RBM44: variants seen among roughly 807,000 people sequenced by gnomAD.
RBM44 encodes the protein RNA binding motif protein 44, also known as RNA-binding protein 44.
RBM44 carries 66 observed loss-of-function variants against 105.1 expected under a neutral mutation model. The ratio of observed to expected loss-of-function variants is 0.63; its 90% confidence interval spans 0.52 to 0.77. RBM44 has a LOEUF of 0.77. RBM44 is among the 30% of genes least tolerant of loss of function. The pLI is 0.00. For synonymous variants in RBM44, 365 were observed against 417.6 expected (o/e 0.87, Z 1.54); for missense variants, 1,122 against 1,207.8 (o/e 0.93, Z 1.05).
rs2061769852 is a variant in RBM44 at position 237,820,222 on chromosome 2, G to A, written c.1784G>A (p.Cys595Tyr). The A allele has an allele frequency of 6.3e-7, 1 of 1,578,822 alleles. No individual in the cohort carries two copies. Among genetic ancestry groups the A allele is most frequent in the Non-Finnish European group, 8.6e-7 (1 of 1,161,656 alleles). Residue 595 changes from cysteine to tyrosine, a missense_variant, in exon 5 of 16, where the codon TGC (cysteine) becomes TAC (tyrosine). This residue lies in a region of RBM44 where 918 missense variants were observed against 955.3 expected (regional missense o/e 0.96). Coordinates refer to ENST00000316997, the MANE Select transcript of RBM44 (RefSeq NM_001080504.3). ...KDTEKDLPSM[C>Y]CQKIMQRAIK... is the part of the protein sequence containing the mutation. ...ACAGAGAAGGATTTGCCATCAATGT[G>A]CTGTCAGAAGATAATGCAGAGAGCC...
intron 2 of RBM44, among the ~76,000 whole-genome samples, chr2:237,814,180 C>G (rs1471278995): frequency 6.6e-6 from 1 of 152,046 alleles, no homozygotes; most frequent in Non-Finnish European, 1.5e-5. Context: ...AACAAAAACT[C>G]TACATTGTTC....
At position 237,841,754 on chromosome 2, in the gene RBM44, A is replaced by G. The variant is rs2062013583; in HGVS notation, c.*23-85A>G. On this transcript the variant is annotated intron_variant, in intron 15 of 15. Coordinates refer to ENST00000316997, the MANE Select transcript of RBM44 (RefSeq NM_001080504.3). This position sits in a 1 kb window ranked among gnomAD's most constrained non-coding sequence, Gnocchi z 4.5. ...ATTTGTTAAAAGATATTCTAGTACCATTAGAAACAATCAAGTGTCTAGGAA... is the reference window on the plus strand; with the variant it reads ...ATTTGTTAAAAGATATTCTAGTACCGTTAGAAACAATCAAGTGTCTAGGAA... The G allele has an allele frequency of 1.3e-5, 2 of 152,222 alleles. No individual in the cohort carries two copies. Among genetic ancestry groups the G allele is most frequent in the Non-Finnish European group, 2.9e-5 (2 of 68,034 alleles). 9.4% of individuals were successfully genotyped at this position (152,222 alleles called of 1,614,324 possible).
intron 8 of RBM44, among the ~76,000 whole-genome samples, chr2:237,822,052 C>T (rs933079407): frequency 1.3e-5 from 2 of 152,112 alleles, no homozygotes; most frequent in African/African-American, 4.8e-5. Flanking sequence ...ATAATTTACA[C>T]CACACCAGGA....
At chr2:237,831,127 C>T (rs2061898554) in intron 13 of RBM44, among the ~76,000 whole-genome samples, 1 of 151,844 alleles carries the variant, frequency 6.6e-6, no homozygotes, top group South Asian at 2.1e-4. Flanking sequence ...AACTCCGCTT[C>T]CACTCACAGA....
intron 9 of RBM44, among the ~76,000 whole-genome samples, chr2:237,824,033 G>C (rs754624273): frequency 6.6e-6 from 1 of 152,122 alleles, no homozygotes; most frequent in African/African-American, 2.4e-5. Flanking sequence ...CAATAAGCCG[G>C]GAATAGTGTT....
rs139408669 is a variant in RBM44 at position 237,803,302 on chromosome 2, G to GACACACACAC, written c.-19+4449_-19+4458dup. 1.3e-5 allele frequency among the ~76,000 whole-genome samples: 2 copies of GACACACACAC among 149,724 alleles called. No individual in the cohort carries two copies. The highest frequency in any genetic ancestry group is 4.9e-5 in the African/African-American group (2 of 40,656). On this transcript the variant is annotated intron_variant, in intron 1 of 15. Transcript: ENST00000316997. The surrounding 1 kb of genome is among the most constrained non-coding windows in gnomAD (Gnocchi z 4.2). ...TCTCTGTCTCTGGGTGACAGAGCGA[G>GACACACACAC]ACACACACACACACACATACTCTCT...
Position 237,821,788 on chromosome 2 carries a change from T to C in RBM44, c.2166T>C (p.Asp722=). ...AACAAGATAATCAGAGGGCTCATGA[T>C]GTTGATGTTTCTTCAAACCTAAAAA... The part of the protein sequence containing the change: ...DAEQDNQRAH[D]VDVSSNLKKT... The change falls in exon 8 of 16, where the codon GAT becomes GAC. Residue 722 remains aspartate (D), a synonymous_variant. Coordinates refer to ENST00000316997, the MANE Select transcript of RBM44 (RefSeq NM_001080504.3). The C allele has an allele frequency of 1.2e-6, 2 of 1,611,502 alleles. No homozygotes were observed. Among genetic ancestry groups the C allele is most frequent in the Non-Finnish European group, 1.7e-6 (2 of 1,178,360 alleles).
Position 237,820,451 on chromosome 2 carries a change from T to C in RBM44, c.1913+100T>C, listed in dbSNP as rs903298392. The C allele has an allele frequency of 1.8e-5, 13 of 734,482 alleles. 1 individual carries two copies. The highest frequency in any genetic ancestry group is 2.6e-5 in the Non-Finnish European group (12 of 467,068). The allele number at this position is 734,482 out of a possible 1,614,324, so 45.5% of individuals were successfully genotyped here. A position where few individuals can be genotyped will look rare whatever the true frequency, so the allele number is the denominator to read the frequency against. On this transcript the variant is annotated intron_variant, in intron 5 of 15. Transcript: ENST00000316997. ...TAATTTTCATTTTTGAAGAGTAAAA[T>C]GAGGAGTAGATTGTTACTGGGTTTG...
Position 237,834,423 on chromosome 2 carries a change from G to T in RBM44, c.*22G>T. On this transcript the variant is annotated splice_region_variant and 3_prime_UTR_variant, in exon 15 of 16. Coordinates refer to ENST00000316997, the MANE Select transcript of RBM44 (RefSeq NM_001080504.3). ...TTAGGAATTCAAAAAACAATAAAGA[G>T]GTAAAGTAATCATATTCTTTTGTAT... is the stretch of plus-strand genomic sequence containing the variant. The T allele has an allele frequency of 7.0e-7, 1 of 1,427,940 alleles. No individual in the cohort carries two copies. Among genetic ancestry groups the T allele is most frequent in the African/African-American group, 1.5e-5 (1 of 68,214 alleles). The allele number at this position is 1,427,940 out of a possible 1,614,324, so 88.5% of individuals were successfully genotyped here.
At chr2:237,821,293 AT>A in intron 6 of RBM44, 39 bp downstream of exon 6, 1 of 1,555,132 alleles carries the variant, frequency 6.4e-7, no homozygotes, top group Non-Finnish European at 8.7e-7. Flanking sequence ...ATTTTACTTC[AT>A]TTAGACAAAA....
At chr2:237,812,042 G>A (rs2061664736) in intron 1 of RBM44, among the ~76,000 whole-genome samples, 1 of 152,010 alleles carries the variant, frequency 6.6e-6, no homozygotes, top group Non-Finnish European at 1.5e-5. Flanking sequence ...TTTTAGTAGA[G>A]ACAAGGTCTC....
In RBM44 at chr2:237,811,886, G is replaced by A. The variant is rs557652585; in HGVS notation, c.-18-1706G>A. Among the ~76,000 whole-genome samples the A allele has an allele frequency of 3.9e-5, 6 of 151,952 alleles. No individual in the cohort carries two copies. In the South Asian group the frequency reaches 6.2e-4, roughly 16 times the overall value. Reference sequence around the variant, plus strand: ...TTATCTACTTTTTCTTTGGAGTCTCGCGCTGTCACCCAGGCTGGAGTGCAT... The same window carrying A: ...TTATCTACTTTTTCTTTGGAGTCTCACGCTGTCACCCAGGCTGGAGTGCAT... On this transcript the variant is annotated intron_variant, in intron 1 of 15. Coordinates refer to ENST00000316997, the MANE Select transcript of RBM44 (RefSeq NM_001080504.3).
Position 237,821,753 on chromosome 2 carries a change from G to A in RBM44, c.2131G>A (p.Ala711Thr). ...AAATGTTCTTTTTAGCTTTTCAGAAGCAGATGCTGAACAAGATAATCAGAG... is the reference window on the plus strand; with the variant it reads ...AAATGTTCTTTTTAGCTTTTCAGAAACAGATGCTGAACAAGATAATCAGAG... ...MKKETHVFSE[A>T]DAEQDNQRAH... The change falls in exon 8 of 16, where the codon GCA becomes ACA. Residue 711 changes from alanine to threonine, a missense_variant. Around this residue, in one of 3 missense-constraint regions of RBM44, gnomAD observed 918 missense variants for 955.3 expected, o/e 0.96. Transcript: ENST00000316997. The A allele has an allele frequency of 6.2e-7, 1 of 1,608,738 alleles. No individual in the cohort carries two copies. Among genetic ancestry groups the A allele is most frequent in the Non-Finnish European group, 8.5e-7 (1 of 1,176,248 alleles).
At chr2:237,816,728 A>G (rs1009902499) in intron 2 of RBM44, among the ~76,000 whole-genome samples, 5 of 152,102 alleles carry the variant, frequency 3.3e-5, no homozygotes, top group Admixed American at 6.6e-5. Context: ...CACTAATCCT[A>G]TAATTAGGGT....
intron 13 of RBM44, among the ~76,000 whole-genome samples, chr2:237,832,612 G>C (rs2061914960): frequency 6.6e-6 from 1 of 152,206 alleles, no homozygotes; most frequent in South Asian, 2.1e-4. Flanking sequence ...CTGTTGGTAG[G>C]AGTATGTGGA....
intron 8 of RBM44, among the ~76,000 whole-genome samples, chr2:237,822,580 A>G (rs747479727): frequency 1.1e-4 from 17 of 152,126 alleles, no homozygotes; most frequent in Non-Finnish European, 4.4e-5. Context: ...AAAGTAAATT[A>G]CTTTAACATT....
chr2:237,829,010 T>C (rs943088729), intron 12 of RBM44, among the ~76,000 whole-genome samples: 6 of 152,224 alleles, frequency 3.9e-5, no homozygotes, highest in African/African-American at 1.4e-4. Context: ...AGAAATACTT[T>C]TCTTCTATTT....
At chr2:237,827,177 C>A in intron 10 of RBM44, 73 bp from the exon 11 acceptor site, 2 of 835,098 alleles carry the variant, frequency 2.4e-6, no homozygotes, top group Non-Finnish European at 1.9e-6. Context: ...AAATATTTAA[C>A]AGTGTTCACA....
intron 1 of RBM44, chr2:237,799,318 G>A (rs1314134348): frequency 6.6e-6 from 1 of 152,404 alleles, no homozygotes; most frequent in Non-Finnish European, 1.5e-5. Flanking sequence ...GGACGCCCTG[G>A]AGGACGGCGC....
Sources: gnomAD v4.1 joint callset for allele counts (sites outside exome capture counted in the v4.1 genomes callset) on GRCh38, gnomAD v4.1.1 for gene constraint, gnomAD v4.1.1 regional missense constraint, Gnocchi (gnomAD v3.1) non-coding constraint, MANE v1.5 for transcripts, NCBI Gene and HGNC (gene_info 2026-07-23, HGNC 2026-07-21) for gene names.